The following NTM variants were observed in gnomAD, a reference collection of about 807,000 sequenced individuals.
NTM encodes IgLON family member 2.
A neutral mutation model predicts 42.1 loss-of-function variants in NTM; 13 were observed. The ratio of observed to expected loss-of-function variants is 0.31; its 90% CI spans 0.20 to 0.49. NTM has a LOEUF of 0.49. NTM is among the 20% of genes least tolerant of loss of function. The pLI is 0.99. For missense variants in NTM, 373 were observed against 452.8 expected (o/e 0.82, Z 1.60); for synonymous variants, 187 against 179.2 (o/e 1.04, Z -0.35).
chr11:131,574,151 C>A (rs1443571104), intron 1 of NTM, among the ~76,000 whole-genome samples: 2 of 152,120 alleles, frequency 1.3e-5, no homozygotes, highest in Non-Finnish European at 2.9e-5. Context: ...CTTAGAGAGT[C>A]AAGGCTGGCT....
chr11:132,236,498 C>A (rs563925544), intron 4 of NTM, among the ~76,000 whole-genome samples: 39 of 152,234 alleles, frequency 2.6e-4, no homozygotes, highest in Non-Finnish European at 3.8e-4. Context: ...AAAAGTGGGA[C>A]GGCATAACTA....
At chr11:131,524,102 T>C (rs1264326657) in intron 1 of NTM, among the ~76,000 whole-genome samples, 2 of 152,238 alleles carry the variant, frequency 1.3e-5, no homozygotes, top group African/African-American at 4.8e-5. Context: ...CTCAGCTTGG[T>C]GATCCTCCCA....
At chr11:131,903,208 C>T (rs762093387) in intron 1 of NTM, among the ~76,000 whole-genome samples, 21 of 152,160 alleles carry the variant, frequency 1.4e-4, no homozygotes, top group Non-Finnish European at 2.8e-4. Context: ...TAAAACTCTT[C>T]TAACCCGGAT....
intron 1 of NTM, among the ~76,000 whole-genome samples, chr11:131,564,534 G>A (rs982691775): frequency 2.6e-5 from 4 of 151,722 alleles, no homozygotes; most frequent in African/African-American, 7.3e-5. Flanking sequence ...CTTTTTTGAG[G>A]TATTGTTGAT....
chr11:131,490,615 G>A (rs1458944489), intron 1 of NTM, among the ~76,000 whole-genome samples: 3 of 152,154 alleles, frequency 2.0e-5, no homozygotes, highest in South Asian at 4.1e-4. Flanking sequence ...TGCAAAAAGA[G>A]CTAAGAGAAA....
At chr11:132,077,240 A>G (rs1032398200) in intron 2 of NTM, among the ~76,000 whole-genome samples, 8 of 152,262 alleles carry the variant, frequency 5.3e-5, no homozygotes, top group African/African-American at 1.9e-4. Flanking sequence ...AGCCTTAGAA[A>G]GACATCTGTT....
intron 1 of NTM, among the ~76,000 whole-genome samples, chr11:131,619,853 G>A (rs2062344336): frequency 6.6e-6 from 1 of 151,188 alleles, no homozygotes. Context: ...CACCCAGGCT[G>A]GAGTGCAGTA....
At chr11:132,154,216 G>A (rs2072648366) in intron 3 of NTM, among the ~76,000 whole-genome samples, 1 of 152,184 alleles carries the variant, frequency 6.6e-6, no homozygotes, top group Non-Finnish European at 1.5e-5. Context: ...TGTCCTGCTA[G>A]AATGCTACTT....
chr11:132,041,880 C>A (rs2077253046), intron 2 of NTM, among the ~76,000 whole-genome samples: 1 of 152,156 alleles, frequency 6.6e-6, no homozygotes, highest in African/African-American at 2.4e-5. Context: ...GGGAGAATAC[C>A]TGTCATATTG....
At chr11:131,888,410 C>T (rs1225928385) in intron 1 of NTM, among the ~76,000 whole-genome samples, 2 of 152,198 alleles carry the variant, frequency 1.3e-5, no homozygotes, top group Non-Finnish European at 2.9e-5. Flanking sequence ...CAGCTCATGA[C>T]TCATTTTGAC....
intron 1 of NTM, among the ~76,000 whole-genome samples, chr11:131,761,532 G>A (rs1286416853): frequency 1.3e-5 from 2 of 152,070 alleles, no homozygotes; most frequent in East Asian, 1.9e-4. Context: ...AGCCGGGCAC[G>A]GTGGCTCACG....
intron 1 of NTM, chr11:131,911,175 C>T: frequency 2.2e-6 from 3 of 1,339,972 alleles, no homozygotes; most frequent in Non-Finnish European, 2.9e-6. Context: ...GCGCCCACAC[C>T]TTTCACCTGC....
intron 1 of NTM, among the ~76,000 whole-genome samples, chr11:131,858,838 C>T (rs1309867490): frequency 6.6e-6 from 1 of 152,202 alleles, no homozygotes; most frequent in Non-Finnish European, 1.5e-5. Context: ...TGGCAATAAT[C>T]CAGGCAACTC....
At chr11:131,875,567 C>T (rs967392860) in intron 1 of NTM, among the ~76,000 whole-genome samples, 1 of 152,220 alleles carries the variant, frequency 6.6e-6, no homozygotes, top group Admixed American at 6.5e-5. Context: ...AAAAAGAAAG[C>T]TATACCCAAG....
At chr11:131,598,720 TTTCTTTCTTTC>T (rs1174969485) in intron 1 of NTM, among the ~76,000 whole-genome samples, 4 of 90,530 alleles carry the variant, frequency 4.4e-5, no homozygotes, top group African/African-American at 1.6e-4. Context: ...TCTTTCTTTC[TTTCTTTCTTTC>T]TTTCTTTCTT....
chr11:132,031,917 C>G (rs1045378276), intron 2 of NTM, among the ~76,000 whole-genome samples: 3 of 152,130 alleles, frequency 2.0e-5, no homozygotes, highest in Non-Finnish European at 4.4e-5. Flanking sequence ...CTCAAAGGCC[C>G]TCCCACTCAT....
chr11:131,452,914 C>T (rs1027928743), intron 1 of NTM, among the ~76,000 whole-genome samples: 9 of 152,202 alleles, frequency 5.9e-5, no homozygotes, highest in Non-Finnish European at 1.3e-4. Flanking sequence ...TGGCCATCTT[C>T]ATGGCTTGGC....
intron 2 of NTM, among the ~76,000 whole-genome samples, chr11:132,144,801 A>G (rs1311721822): frequency 6.6e-6 from 1 of 152,174 alleles, no homozygotes; most frequent in Non-Finnish European, 1.5e-5. Flanking sequence ...TTGCCAGAAA[A>G]TGCAATGAGC....
chr11:132,132,780 G>C (rs2067062447), intron 2 of NTM, among the ~76,000 whole-genome samples: 1 of 152,132 alleles, frequency 6.6e-6, no homozygotes, highest in Admixed American at 6.5e-5. Flanking sequence ...GAAAAAGAGA[G>C]AAGCACCCCA....
Sources: gnomAD v4.1 joint callset for allele counts (sites outside exome capture counted in the v4.1 genomes callset) on GRCh38, gnomAD v4.1.1 for gene constraint, MANE v1.5 for transcripts, NCBI Gene and HGNC (gene_info 2026-07-23, HGNC 2026-07-21) for gene names.